Variants in CNTLN observed in about 807,000 individuals in gnomAD.
CNTLN encodes the protein centlein, centrosomal protein.
A neutral mutation model predicts 180.0 loss-of-function variants in CNTLN; 212 were observed. That is an observed-to-expected ratio of 1.18 (90% confidence interval 1.05 to 1.32). The LOEUF (loss-of-function observed/expected upper bound fraction) is 1.32. Among genes scored for constraint, CNTLN ranks in the 40% most tolerant of loss-of-function variants. The probability of loss-of-function intolerance (pLI) is 0.00; values close to 1 mark genes in which losing one functional copy is unlikely to be tolerated. For missense variants in CNTLN, 2,095 were observed against 1,610.9 expected, an observed-to-expected ratio of 1.30 and a Z score of -5.14; for synonymous variants, 722 against 563.1, an observed-to-expected ratio of 1.28 and a Z score of -3.99.
At chr9:17,212,313 C>G (rs1035055098) in intron 2 of CNTLN, among the ~76,000 whole-genome samples, 1 of 152,126 alleles carries the variant, frequency 6.6e-6, no homozygotes, top group African/African-American at 2.4e-5. Context: ...TTGAGATAAT[C>G]ATGTGGTTTT....
chr9:17,488,018 A>G (rs1484564679), intron 25 of CNTLN, among the ~76,000 whole-genome samples: 2 of 152,160 alleles, frequency 1.3e-5, no homozygotes, highest in East Asian at 3.9e-4. Context: ...AAAATACCCC[A>G]AAAATTGTCC....
chr9:17,435,626 T>A (rs1441119149), intron 18 of CNTLN, among the ~76,000 whole-genome samples: 1 of 151,622 alleles, frequency 6.6e-6, no homozygotes, highest in Non-Finnish European at 1.5e-5. Flanking sequence ...AGTGGCGCGA[T>A]CTCGGCTCAC....
At chr9:17,157,222 A>C (rs189382617) in intron 2 of CNTLN, among the ~76,000 whole-genome samples, 2 of 152,318 alleles carry the variant, frequency 1.3e-5, no homozygotes, top group Non-Finnish European at 1.5e-5. Flanking sequence ...TAGTGTCATG[A>C]CTTACCATGT....
chr9:17,215,054 G>A (rs112649066), intron 2 of CNTLN, among the ~76,000 whole-genome samples: 5,040 of 152,272 alleles, frequency 0.033, 100 homozygotes, highest in East Asian at 0.069. Flanking sequence ...TTCTCAACTC[G>A]TTAAAGTGAT....
intron 23 of CNTLN, among the ~76,000 whole-genome samples, chr9:17,474,248 A>G (rs1832207370): frequency 6.6e-6 from 1 of 152,124 alleles, no homozygotes; most frequent in African/African-American, 2.4e-5. Context: ...GGCATCTCAA[A>G]CTTAACATGT....
intron 2 of CNTLN, among the ~76,000 whole-genome samples, chr9:17,173,371 G>A (rs971347765): frequency 6.6e-6 from 1 of 152,068 alleles, no homozygotes; most frequent in Admixed American, 6.5e-5. Flanking sequence ...ATGTGCGTAT[G>A]CATATTTAAT....
intron 2 of CNTLN, among the ~76,000 whole-genome samples, chr9:17,149,508 CTTTCTTTTTT>C (rs1478605161): frequency 7.5e-6 from 1 of 133,906 alleles, no homozygotes; most frequent in Non-Finnish European, 1.6e-5. Flanking sequence ...TATTTTCTTT[CTTTCTTTTTT>C]TTTTTTTTTT....
chr9:17,177,576 T>G (rs989902176), intron 2 of CNTLN, among the ~76,000 whole-genome samples: 2 of 152,132 alleles, frequency 1.3e-5, no homozygotes, highest in African/African-American at 4.8e-5. Flanking sequence ...TCGGATATGT[T>G]CGGAGTTTCT....
intron 23 of CNTLN, among the ~76,000 whole-genome samples, chr9:17,477,527 C>T (rs961390603): frequency 2.0e-5 from 3 of 152,202 alleles, no homozygotes; most frequent in East Asian, 3.9e-4. Context: ...AAAATAGCAG[C>T]GTTAGCAGGA....
rs1007085337 is a variant in CNTLN, at chr9:17,256,882, C to T, written c.850-16851C>T. Among the ~76,000 whole-genome samples the T allele has an allele frequency of 5.3e-5, 8 of 151,824 alleles. 1 individual carries two copies. The highest frequency in any genetic ancestry group is 8.8e-5 in the Non-Finnish European group (6 of 67,924). On this transcript the variant is annotated intron_variant, in intron 5 of 25. Coordinates refer to ENST00000380647, the MANE Select transcript of CNTLN (RefSeq NM_017738.4). ...TTAGTTTCTGCTTGGTGGCCTGGAA[C>T]TTCAGAATGAATGATTCCATTTTGG...
At chr9:17,420,747 G>A (rs572402264) in intron 18 of CNTLN, among the ~76,000 whole-genome samples, 2 of 152,132 alleles carry the variant, frequency 1.3e-5, no homozygotes, top group African/African-American at 4.8e-5. Context: ...GTCTTGGTAT[G>A]TTGTGCTTCG....
At chr9:17,239,161 G>A (rs1825335475) in intron 5 of CNTLN, among the ~76,000 whole-genome samples, 1 of 152,084 alleles carries the variant, frequency 6.6e-6, no homozygotes, top group African/African-American at 2.4e-5. Flanking sequence ...CCCGAGAAGA[G>A]GCAAATTACT....
At chr9:17,162,776 A>C (rs190708147) in intron 2 of CNTLN, among the ~76,000 whole-genome samples, 31 of 152,290 alleles carry the variant, frequency 2.0e-4, no homozygotes, top group African/African-American at 7.0e-4. Flanking sequence ...GTTACCATAA[A>C]GTCAGTCAAT....
intron 23 of CNTLN, among the ~76,000 whole-genome samples, chr9:17,477,357 T>G (rs1832408429): frequency 6.6e-6 from 1 of 152,190 alleles, no homozygotes; most frequent in African/African-American, 2.4e-5. Context: ...AGTTGAAGAC[T>G]TTAAAGTCTT....
At position 17,352,089 on chromosome 9, in the gene CNTLN, C is replaced by T. The variant is rs75181760; in HGVS notation, c.1886+9645C>T. Among the ~76,000 whole-genome samples, 2,791 of 151,974 alleles carry T rather than the reference C, an allele frequency of 0.018. 174 individuals carry two copies. The East Asian group carries it at 0.24, about 13-fold the overall frequency. ...TCATAATACAAAAACTTTTTTATTT[C>T]ATAGAAGTAGGAAATTTTACCCCCA... is the stretch of plus-strand genomic sequence containing the variant. On this transcript the variant is annotated intron_variant, in intron 12 of 25. Transcript: ENST00000380647.
chr9:17,308,550 A>G (rs1402937747), intron 7 of CNTLN, among the ~76,000 whole-genome samples: 2 of 152,088 alleles, frequency 1.3e-5, no homozygotes, highest in South Asian at 2.1e-4. Context: ...TTTCAAATGT[A>G]TATGTTAAGT....
chr9:17,283,725 C>T (rs1346222809), intron 6 of CNTLN, among the ~76,000 whole-genome samples: 1 of 152,114 alleles, frequency 6.6e-6, no homozygotes, highest in East Asian at 1.9e-4. Context: ...ATGATATTGG[C>T]TGTGGGTTTG....
chr9:17,264,204 T>C (rs1042190470), intron 5 of CNTLN, among the ~76,000 whole-genome samples: 4 of 144,180 alleles, frequency 2.8e-5, no homozygotes, highest in Admixed American at 2.7e-4. Context: ...TTAATCCATC[T>C]TGAATTGATT....
intron 25 of CNTLN, among the ~76,000 whole-genome samples, chr9:17,500,990 A>G (rs1270843985): frequency 6.6e-6 from 1 of 152,222 alleles, no homozygotes; most frequent in Admixed American, 6.5e-5. Flanking sequence ...ATCCTCCATA[A>G]GAGAACTGAT....
Sources: gnomAD v4.1 joint callset for allele counts (sites outside exome capture counted in the v4.1 genomes callset) on GRCh38, gnomAD v4.1.1 for gene constraint, MANE v1.5 for transcripts, NCBI Gene and HGNC (gene_info 2026-07-23, HGNC 2026-07-21) for gene names.